Variants in DMD observed in about 807,000 individuals in gnomAD.
DMD encodes dystrophin, also known as mutant dystrophin.
Under a neutral mutation model 330.1 loss-of-function variants are expected in DMD, and 63 were observed. That is an observed-to-expected ratio of 0.19 (90% CI 0.16 to 0.24). The LOEUF (loss-of-function observed/expected upper bound fraction) is 0.24, where lower values mean the gene tolerates loss of function less well. Among genes scored for constraint, DMD ranks in the 10% least tolerant of loss-of-function variants. The pLI is 1.00. For missense variants in DMD, 3,344 were observed against 2,684.1 expected (o/e 1.25, Z -5.43); for synonymous variants, 1,223 against 959.8 (o/e 1.27, Z -5.07).
At chrX:32,676,029 A>C (rs989455965) in intron 9 of DMD, among the ~76,000 whole-genome samples, 2 of 111,457 alleles carry the variant, frequency 1.8e-5, no homozygotes, top group Admixed American at 1.9e-4. Context: ...TGACATACCT[A>C]TCAGTTTCTA....
chrX:31,397,158 G>A (rs1382634597), intron 60 of DMD, among the ~76,000 whole-genome samples: 2 of 112,124 alleles, frequency 1.8e-5, no homozygotes, highest in Non-Finnish European at 3.8e-5. Context: ...AAGAGCACTA[G>A]AATTAGGAGG....
intron 2 of DMD, among the ~76,000 whole-genome samples, chrX:32,899,946 C>CTA (rs746948274): frequency 4.3e-3 from 474 of 111,004 alleles, no homozygotes; most frequent in Non-Finnish European, 7.1e-3. Context: ...CTTCCTTATG[C>CTA]TATATATTTT....
chrX:32,396,226 G>T (rs1420007569), intron 30 of DMD, among the ~76,000 whole-genome samples: 2 of 111,149 alleles, frequency 1.8e-5, no homozygotes, highest in Non-Finnish European at 3.8e-5. Flanking sequence ...AGCATTCCAT[G>T]GAATTTGAAA....
chrX:32,414,718 T>A (rs2098159685), intron 29 of DMD, among the ~76,000 whole-genome samples: 1 of 112,033 alleles, frequency 8.9e-6, no homozygotes, highest in Admixed American at 9.5e-5. Context: ...TCACCACTGC[T>A]CAGAGATGTA....
At chrX:31,349,937 T>G (rs2058300102) in intron 60 of DMD, among the ~76,000 whole-genome samples, 1 of 111,696 alleles carries the variant, frequency 9.0e-6, no homozygotes, top group Non-Finnish European at 1.9e-5. Flanking sequence ...TCAAACCAAC[T>G]CTGGCCTTCC....
intron 47 of DMD, among the ~76,000 whole-genome samples, chrX:31,884,207 C>T (rs1006807198): frequency 9.0e-6 from 1 of 111,583 alleles, no homozygotes; most frequent in Admixed American, 9.6e-5. Context: ...ATGTTTACTG[C>T]GGCACTATTT....
chrX:32,723,528 G>C (rs2066549949), intron 7 of DMD, among the ~76,000 whole-genome samples: 1 of 111,407 alleles, frequency 9.0e-6, no homozygotes, highest in Admixed American at 9.6e-5. Flanking sequence ...AAGAAATGAG[G>C]AGAAGTAGGT....
Position 32,573,761 on chromosome X carries a change from C to T in DMD, c.1688G>A (p.Arg563His), listed in dbSNP as rs191197223. The change falls in exon 14 of 79, where the codon CGT becomes CAT. Residue 563 changes from arginine to histidine, a missense_variant. Physicochemically the swap from Arg to His is conservative, Grantham distance 29. Coordinates refer to ENST00000357033, the MANE Select transcript of DMD (RefSeq NM_004006.3). ...LLQDILLKWQ[R>H]LTEEQCLFSA... The stretch of plus-strand genomic sequence containing the variant: ...ATGACACACCTGTTCTTCAGTAAGA[C>T]GTTGCCATTTGAGAAGGATGTCTTG... 57 of 1,209,588 alleles carry T rather than the reference C, an allele frequency of 4.7e-5. No individual in the cohort carries two copies. The highest frequency in any genetic ancestry group is 2.4e-4 in the Admixed American group (11 of 45,688).
chrX:32,131,973 A>G (rs1328010413), intron 44 of DMD, among the ~76,000 whole-genome samples: 2 of 111,801 alleles, frequency 1.8e-5, no homozygotes, highest in Non-Finnish European at 3.8e-5. Context: ...TGAGAGATCA[A>G]TGGAGATGAT....
intron 62 of DMD, among the ~76,000 whole-genome samples, chrX:31,321,583 C>CAAAAAAAAAAAAAAAAAAAAA (rs1190446358): frequency 9.6e-5 from 1 of 10,468 alleles, no homozygotes; most frequent in African/African-American, 5.0e-4. Flanking sequence ...AACTCCATCT[C>CAAAAAAAAAAAAAAAAAAAAA]AAAAAAAAAA....
chrX:32,970,407 A>G (rs372000219), intron 2 of DMD, among the ~76,000 whole-genome samples: 2 of 94,157 alleles, frequency 2.1e-5, no homozygotes, highest in East Asian at 3.3e-4. Flanking sequence ...GCATGTCTGT[A>G]TCAAAACATC....
intron 45 of DMD, among the ~76,000 whole-genome samples, chrX:31,967,012 C>T (rs1247930597): frequency 2.8e-5 from 3 of 109,041 alleles, no homozygotes; most frequent in African/African-American, 1.0e-4. Flanking sequence ...CATTTCTTAC[C>T]ATCTTAATTT....
At chrX:32,770,600 T>C (rs1314823006) in intron 7 of DMD, among the ~76,000 whole-genome samples, 1 of 111,657 alleles carries the variant, frequency 9.0e-6, no homozygotes, top group Non-Finnish European at 1.9e-5. Flanking sequence ...TGCATAAAAT[T>C]ATATACATTA....
chrX:32,927,927 C>A (rs1472893687), intron 2 of DMD, among the ~76,000 whole-genome samples: 1 of 111,035 alleles, frequency 9.0e-6, no homozygotes, highest in Non-Finnish European at 1.9e-5. Context: ...AGGCAGTTTC[C>A]ATTTTCCCAA....
chrX:31,343,332 A>G (rs2057871977), intron 61 of DMD, among the ~76,000 whole-genome samples: 1 of 111,276 alleles, frequency 9.0e-6, no homozygotes, highest in Non-Finnish European at 1.9e-5. Context: ...GTCAATTAGG[A>G]GTAGCAGTGT....
At chrX:31,385,067 C>A (rs373621189) in intron 60 of DMD, among the ~76,000 whole-genome samples, 2 of 112,245 alleles carry the variant, frequency 1.8e-5, no homozygotes, top group South Asian at 3.7e-4. Flanking sequence ...TTGCCCATTT[C>A]TCCTCAAAAT....
At chrX:32,652,357 A>G (rs148072768) in intron 9 of DMD, among the ~76,000 whole-genome samples, 1,534 of 93,440 alleles carry the variant, frequency 0.016, 40 homozygotes, top group African/African-American at 0.059. Flanking sequence ...TCATTGTTCA[A>G]TTCCCACCCA....
rs1330467260 is a variant in DMD at position 31,322,683 on chromosome X, C to T, written c.9224+915G>A. 5.4e-5 allele frequency among the ~76,000 whole-genome samples: 6 copies of T among 111,218 alleles called. No homozygotes were observed. The East Asian group carries it at 8.4e-4, about 16-fold the overall frequency. On this transcript the variant is annotated intron_variant, in intron 62 of 78. Transcript: ENST00000357033. ...AGGACTGCTGTTATTGCTTTAGAAC[C>T]GAATTAAGAAGAATTGATGGACAGT...
At chrX:32,968,770 C>T (rs1320925853) in intron 2 of DMD, among the ~76,000 whole-genome samples, 1 of 109,034 alleles carries the variant, frequency 9.2e-6, no homozygotes, top group African/African-American at 3.3e-5. Flanking sequence ...TGGCTCACAC[C>T]TGTAATCCCA....
Sources: gnomAD v4.1 joint callset for allele counts (sites outside exome capture counted in the v4.1 genomes callset) on GRCh38, gnomAD v4.1.1 for gene constraint, MANE v1.5 for transcripts, NCBI Gene and HGNC (gene_info 2026-07-23, HGNC 2026-07-21) for gene names.